EP300: variants seen among roughly 807,000 people sequenced by gnomAD.
EP300 encodes EP300 lysine acetyltransferase.
A neutral mutation model predicts 264.0 loss-of-function variants in EP300; 31 were observed. The observed-to-expected ratio is 0.12, with a 90% confidence interval of 0.09 to 0.16. The LOEUF (loss-of-function observed/expected upper bound fraction) is 0.16, where lower values mean the gene tolerates loss of function less well. Among genes scored for constraint, EP300 ranks in the 10% least tolerant of loss-of-function variants. EP300 has a pLI of 1.00. For synonymous variants in EP300, 1,340 were observed against 1,045.4 expected (o/e 1.28, Z -5.44); for missense variants, 2,766 against 3,052.9 (o/e 0.91, Z 2.21).
chr22:41,143,802 C>T (rs2058996041), intron 10 of EP300, among the ~76,000 whole-genome samples: 2 of 152,210 alleles, frequency 1.3e-5, no homozygotes, highest in African/African-American at 4.8e-5. Context: ...TAGTCTCGAA[C>T]TCCCGGCCTC....
Position 41,177,347 on chromosome 22 carries a change from C to A in EP300, c.5636C>A (p.Pro1879His), listed in dbSNP as rs141530780. 1 of 1,614,064 alleles carries A rather than the reference C, an allele frequency of 6.2e-7. No individual in the cohort carries two copies. Among genetic ancestry groups the A allele is most frequent in the East Asian group, 2.2e-5 (1 of 44,868 alleles). The change falls in exon 31 of 31, where the codon CCT becomes CAT. Residue 1879 changes from proline to histidine, a missense_variant. Physicochemically the swap from Pro to His is moderately conservative, Grantham distance 77 (BLOSUM62 -2). Coordinates refer to ENST00000263253, the MANE Select transcript of EP300 (RefSeq NM_001429.4). ...PQPTSQPQPTPPNSMPPYLPR... is the reference protein window; with the variant it reads ...PQPTSQPQPTHPNSMPPYLPR... ...CCCACTTCTCAGCCTCAGCCTACCC[C>A]TCCCAATAGCATGCCACCCTACTTG...
In EP300 at chr22:41,164,520, T is replaced by C. The variant is rs908223041; in HGVS notation, c.3806+390T>C. Among the ~76,000 whole-genome samples, 8 of 152,328 alleles carry C rather than the reference T, an allele frequency of 5.3e-5. No individual in the cohort carries two copies. In the East Asian group the frequency reaches 1.5e-3, roughly 29 times the overall value. On this transcript the variant is annotated intron_variant, in intron 22 of 30. Transcript: ENST00000263253. ...TGAGGACAGGGGTTCCAGACCAGCCTGACCAACATGGCAAAACCTCGTGTC... is the reference window on the plus strand; with the variant it reads ...TGAGGACAGGGGTTCCAGACCAGCCCGACCAACATGGCAAAACCTCGTGTC...
Position 41,129,902 on chromosome 22 carries a change from C to T in EP300, c.1181C>T (p.Ala394Val), listed in dbSNP as rs2145713416. The T allele has an allele frequency of 1.2e-6, 2 of 1,613,408 alleles. No individual in the cohort carries two copies. The highest frequency in any genetic ancestry group is 1.7e-6 in the Non-Finnish European group (2 of 1,179,468). Residue 394 changes from alanine to valine, a missense_variant, in exon 5 of 31, where the codon GCA (alanine) becomes GTA (valine). Transcript: ENST00000263253. Reference protein sequence around the residue: ...SGKSCQVAHCASSRQIISHWK... With the variant: ...SGKSCQVAHCVSSRQIISHWK... Reference sequence around the variant, plus strand: ...TTCTTCTCTTTAGTGGCACACTGTGCATCTTCTCGACAAATCATTTCACAC... The same window carrying T: ...TTCTTCTCTTTAGTGGCACACTGTGTATCTTCTCGACAAATCATTTCACAC...
At chr22:41,131,977 CA>C (rs1398831029) in intron 6 of EP300, among the ~76,000 whole-genome samples, 38 of 152,160 alleles carry the variant, frequency 2.5e-4, no homozygotes, top group African/African-American at 8.7e-4. Flanking sequence ...GTGGGTGGAT[CA>C]CAAGGTCAGG....
chr22:41,163,265 C>T (rs1273655876), intron 21 of EP300, among the ~76,000 whole-genome samples: 3 of 149,952 alleles, frequency 2.0e-5, no homozygotes, highest in Non-Finnish European at 3.0e-5. Flanking sequence ...GAAACCCCGT[C>T]TCTACTAAAA....
At chr22:41,151,132 C>T (rs925856274) in intron 14 of EP300, among the ~76,000 whole-genome samples, 2 of 152,026 alleles carry the variant, frequency 1.3e-5, no homozygotes, top group African/African-American at 2.4e-5. Context: ...TCCAATAGTT[C>T]TCAGCCATGT....
intron 5 of EP300, among the ~76,000 whole-genome samples, chr22:41,130,453 C>G (rs911121129): frequency 6.6e-6 from 1 of 151,694 alleles, no homozygotes; most frequent in Admixed American, 6.6e-5. Flanking sequence ...TGCTTGAATC[C>G]AGGAGGTGGA....
chr22:41,148,416 C>A (rs1005935938), intron 12 of EP300, among the ~76,000 whole-genome samples: 2 of 152,170 alleles, frequency 1.3e-5, no homozygotes, highest in African/African-American at 4.8e-5. Context: ...ATTACTACTT[C>A]TCACTAATCT....
At chr22:41,093,202 G>A (rs2058683673) in intron 1 of EP300, 104 bp downstream of exon 1, 1 of 1,140,164 alleles carries the variant, frequency 8.8e-7, no homozygotes, top group Non-Finnish European at 1.3e-6. Flanking sequence ...CTAGTTCCCT[G>A]CCCCTTAATT....
In EP300 at chr22:41,176,864, A is replaced by G. The variant is rs1323901624; in HGVS notation, c.5153A>G (p.Asn1718Ser). 2 of 1,614,082 alleles carry G rather than the reference A, an allele frequency of 1.2e-6. No homozygotes were observed. The highest frequency in any genetic ancestry group is 4.5e-5 in the East Asian group (2 of 44,878). Residue 1718 changes from asparagine to serine, a missense_variant, in exon 31 of 31, where the codon AAC becomes AGC. Asn to Ser is a conservative substitution (Grantham distance 46). Coordinates refer to ENST00000263253, the MANE Select transcript of EP300 (RefSeq NM_001429.4). ...CTTGGCTTAGATGATGAGAGCAACAACCAGCAGGCTGCAGCCACCCAGAGC... is the reference window on the plus strand; with the variant it reads ...CTTGGCTTAGATGATGAGAGCAACAGCCAGCAGGCTGCAGCCACCCAGAGC... ...LGLGLDDESN[N>S]QQAAATQSPG...
intron 3 of EP300, among the ~76,000 whole-genome samples, 158 bp from the exon 4 acceptor site, chr22:41,127,329 G>A (rs2058888705): frequency 6.6e-6 from 1 of 151,988 alleles, no homozygotes; most frequent in African/African-American, 2.4e-5. Flanking sequence ...CTTCTTAAAG[G>A]TAGGAGCCAT....
chr22:41,168,919 TATA>T (rs1337125908), intron 25 of EP300, 52 bp downstream of exon 25: 1 of 1,608,998 alleles, frequency 6.2e-7, no homozygotes, highest in East Asian at 2.2e-5. Context: ...AGTTCCAACT[TATA>T]ATAGGTGGAA....
At chr22:41,120,162 T>G (rs2058844426) in intron 2 of EP300, among the ~76,000 whole-genome samples, 1 of 152,236 alleles carries the variant, frequency 6.6e-6, no homozygotes, top group African/African-American at 2.4e-5. Context: ...TATCAGTGTT[T>G]GACAAATGAG....
At chr22:41,169,820 C>A (rs2059160149) in intron 26 of EP300, among the ~76,000 whole-genome samples, 1 of 152,180 alleles carries the variant, frequency 6.6e-6, no homozygotes, top group Non-Finnish European at 1.5e-5. Context: ...TTTCACCCAT[C>A]CAACATTAGT....
At chr22:41,113,544 A>G (rs1301989823) in intron 1 of EP300, among the ~76,000 whole-genome samples, 2 of 151,976 alleles carry the variant, frequency 1.3e-5, no homozygotes, top group Non-Finnish European at 2.9e-5. Flanking sequence ...TTGTAACTTT[A>G]TTTATTATTA....
intron 1 of EP300, among the ~76,000 whole-genome samples, chr22:41,115,089 A>G (rs2058813593): frequency 1.3e-5 from 2 of 152,190 alleles, no homozygotes; most frequent in African/African-American, 4.8e-5. Flanking sequence ...GTGTACCACT[A>G]TGCCCAACAC....
At chr22:41,128,069 G>A (rs1297433784) in intron 4 of EP300, among the ~76,000 whole-genome samples, 1 of 152,102 alleles carries the variant, frequency 6.6e-6, no homozygotes, top group Non-Finnish European at 1.5e-5. Flanking sequence ...AGAAGGCTGA[G>A]GAAGGAGGAT....
At chr22:41,109,227 C>G (rs2058774717) in intron 1 of EP300, among the ~76,000 whole-genome samples, 1 of 136,568 alleles carries the variant, frequency 7.3e-6, no homozygotes, top group Admixed American at 8.8e-5. Flanking sequence ...CCACTCCAGG[C>G]TGGGCGACAG....
rs1199893063 is a variant in EP300, at chr22:41,092,975, TC to T, written c.-28del. ...AGAGATTTCCTGAGGATTCTGGTTT[TC>T]CTCGCTTGTATCTCCGAAAGAATTA... is the stretch of plus-strand genomic sequence containing the variant. On this transcript the variant is annotated 5_prime_UTR_variant, in exon 1 of 31. Coordinates refer to ENST00000263253, the MANE Select transcript of EP300 (RefSeq NM_001429.4). The T allele has an allele frequency of 6.2e-6, 10 of 1,613,322 alleles. No individual in the cohort carries two copies. Among genetic ancestry groups the T allele is most frequent in the Non-Finnish European group, 8.5e-6 (10 of 1,179,336 alleles).
Sources: allele counts gnomAD v4.1 joint callset (sites outside exome capture counted in the v4.1 genomes callset), GRCh38; gene constraint gnomAD v4.1.1; transcripts MANE v1.5; gene names NCBI Gene and HGNC (gene_info 2026-07-23, HGNC 2026-07-21).